The following CSMD3 variants were observed in gnomAD, a reference collection of about 807,000 sequenced individuals.
CSMD3 encodes the protein CUB and sushi domain-containing protein 3.
CSMD3 carries 177 observed loss-of-function variants against 435.2 expected under a neutral mutation model. The observed-to-expected ratio is 0.41, with a 90% CI of 0.36 to 0.46. The LOEUF (loss-of-function observed/expected upper bound fraction) is 0.46, where lower values mean the gene tolerates loss of function less well. Among genes scored for constraint, CSMD3 ranks in the 20% least tolerant of loss-of-function variants. The pLI is 0.34. For missense variants in CSMD3, 4,265 were observed against 4,504.6 expected (o/e 0.95, Z 1.52); for synonymous variants, 1,656 against 1,520.5 (o/e 1.09, Z -2.07).
chr8:112,371,306 A>G (rs527685256), intron 38 of CSMD3, among the ~76,000 whole-genome samples: 1 of 152,288 alleles, frequency 6.6e-6, no homozygotes, highest in South Asian at 2.1e-4. Context: ...CTTTGAAACA[A>G]TTCCCATACA....
intron 27 of CSMD3, among the ~76,000 whole-genome samples, chr8:112,518,625 TGTGTGAGA>T (rs758332288): frequency 5.1e-4 from 67 of 130,858 alleles, no homozygotes; most frequent in Admixed American, 8.9e-4. Context: ...TGTGTGTGTG[TGTGTGAGA>T]GAGAGAGAGA....
intron 13 of CSMD3, among the ~76,000 whole-genome samples, chr8:112,774,020 T>A (rs2078186010): frequency 6.6e-6 from 1 of 152,088 alleles, no homozygotes; most frequent in African/African-American, 2.4e-5. Context: ...TTAAATGTTT[T>A]AAGCACACCT....
intron 61 of CSMD3, among the ~76,000 whole-genome samples, chr8:112,263,065 G>C (rs1198511601): frequency 6.7e-6 from 1 of 148,570 alleles, no homozygotes; most frequent in Non-Finnish European, 1.5e-5. Flanking sequence ...AGAGGAGTTT[G>C]TTTTGTTTTG....
At chr8:112,526,647 A>T (rs560446164) in intron 27 of CSMD3, among the ~76,000 whole-genome samples, 1 of 151,990 alleles carries the variant, frequency 6.6e-6, no homozygotes, top group African/African-American at 2.4e-5. Flanking sequence ...CAAAATTTAC[A>T]TTTGTATTTT....
chr8:113,381,811 A>G (rs989787504), intron 1 of CSMD3, among the ~76,000 whole-genome samples: 1 of 152,148 alleles, frequency 6.6e-6, no homozygotes, highest in Non-Finnish European at 1.5e-5. Context: ...AATAACTCAT[A>G]ATCCCACCAT....
At chr8:112,852,795 G>C (rs945312250) in intron 11 of CSMD3, among the ~76,000 whole-genome samples, 1 of 152,092 alleles carries the variant, frequency 6.6e-6, no homozygotes, top group East Asian at 1.9e-4. Context: ...GGTGGTGGGC[G>C]CCTGTAGTCC....
chr8:112,316,288 A>T (rs991689672), intron 47 of CSMD3, among the ~76,000 whole-genome samples: 1 of 151,754 alleles, frequency 6.6e-6, no homozygotes, highest in Admixed American at 6.6e-5. Flanking sequence ...TAATTTTGAG[A>T]TTAAAAATAT....
chr8:112,707,722 A>C (rs919416886), intron 13 of CSMD3, among the ~76,000 whole-genome samples: 1 of 152,082 alleles, frequency 6.6e-6, no homozygotes, highest in African/African-American at 2.4e-5. Flanking sequence ...ATTTATTCTC[A>C]AAAGAGAATC....
chr8:113,318,197 T>C (rs2093923886), intron 1 of CSMD3, among the ~76,000 whole-genome samples: 1 of 152,274 alleles, frequency 6.6e-6, no homozygotes, highest in East Asian at 1.9e-4. Context: ...ATATGAAAAT[T>C]TATGTTTCTG....
intron 45 of CSMD3, among the ~76,000 whole-genome samples, chr8:112,320,575 G>A (rs904224390): frequency 3.3e-5 from 5 of 151,136 alleles, no homozygotes; most frequent in African/African-American, 1.2e-4. Context: ...GTGCCATGTT[G>A]GTGTGCTGCA....
chr8:113,407,947 T>C (rs1185415826), intron 1 of CSMD3, among the ~76,000 whole-genome samples: 1 of 152,142 alleles, frequency 6.6e-6, no homozygotes, highest in African/African-American at 2.4e-5. Flanking sequence ...GACCGTAGTT[T>C]AAAGTTATAG....
At chr8:112,913,748 A>T (rs189247970) in intron 10 of CSMD3, among the ~76,000 whole-genome samples, 1 of 146,016 alleles carries the variant, frequency 6.8e-6, no homozygotes, top group African/African-American at 2.5e-5. Flanking sequence ...CTTTATACTT[A>T]GTTGTCTCTA....
intron 3 of CSMD3, among the ~76,000 whole-genome samples, chr8:113,250,731 G>C (rs1472059327): frequency 6.6e-6 from 1 of 152,082 alleles, no homozygotes; most frequent in Non-Finnish European, 1.5e-5. Context: ...GGATTCAGTA[G>C]ATGAGGAACA....
At position 112,246,575 on chromosome 8, in the gene CSMD3, T is replaced by G. The variant is rs559969217; in HGVS notation, c.10222+445A>C. 2.0e-5 allele frequency among the ~76,000 whole-genome samples: 3 copies of G among 152,242 alleles called. No homozygotes were observed. The South Asian group carries it at 6.2e-4, about 32-fold the overall frequency. On this transcript the variant is annotated intron_variant, in intron 64 of 70. Transcript: ENST00000297405. ...GGAAATTCTAAAATTGTTCTCAAAT[T>G]TTTGGCCAAGTGCCCATGAATATTT...
intron 1 of CSMD3, among the ~76,000 whole-genome samples, chr8:113,336,289 A>C (rs955077074): frequency 1.3e-5 from 2 of 151,470 alleles, no homozygotes; most frequent in East Asian, 3.9e-4. Context: ...TCTTTGCTGA[A>C]ACTTTTAAAT....
chr8:112,388,341 T>C (rs1382920901), intron 36 of CSMD3, among the ~76,000 whole-genome samples: 1 of 152,174 alleles, frequency 6.6e-6, no homozygotes, highest in Non-Finnish European at 1.5e-5. Flanking sequence ...CTACTGGACG[T>C]ACAGGGAATA....
In CSMD3 at chr8:113,054,385, C is replaced by T. The variant is rs539953645; in HGVS notation, c.918-35206G>A. On this transcript the variant is annotated intron_variant, in intron 5 of 70. Transcript: ENST00000297405. The stretch of plus-strand genomic sequence containing the variant: ...ACTACTGGGAGATACGTGTTTTTCT[C>T]ATGAATATATGTACCAATTCTTCAA... Among the ~76,000 whole-genome samples the T allele has an allele frequency of 3.3e-5, 5 of 152,238 alleles. No individual in the cohort carries two copies. The South Asian group carries it at 1.0e-3, about 32-fold the overall frequency.
intron 1 of CSMD3, among the ~76,000 whole-genome samples, chr8:113,380,612 C>A (rs2094410842): frequency 6.6e-6 from 1 of 152,134 alleles, no homozygotes; most frequent in Non-Finnish European, 1.5e-5. Context: ...AATTTACTAA[C>A]ACATCCAAAC....
At chr8:113,144,187 T>C (rs1346529049) in intron 4 of CSMD3, among the ~76,000 whole-genome samples, 3 of 151,298 alleles carry the variant, frequency 2.0e-5, no homozygotes, top group Non-Finnish European at 4.4e-5. Context: ...TTTTGTATAT[T>C]ATGAGATCCT....
Sources: allele counts gnomAD v4.1 joint callset (sites outside exome capture counted in the v4.1 genomes callset), GRCh38; gene constraint gnomAD v4.1.1; transcripts MANE v1.5; gene names NCBI Gene and HGNC (gene_info 2026-07-23, HGNC 2026-07-21).